The following GPD2 variants were observed in gnomAD, a reference collection of about 807,000 sequenced individuals.
The protein encoded by GPD2 is glycerol-3-phosphate dehydrogenase, mitochondrial.
A neutral mutation model predicts 82.4 loss-of-function variants in GPD2; 54 were observed. That is an observed-to-expected ratio of 0.66 (90% CI 0.53 to 0.82). GPD2 has a LOEUF of 0.82. Ranked by LOEUF, GPD2 falls within the 40% of genes least tolerant of loss-of-function variation. The pLI is 0.00. For synonymous variants in GPD2, 288 were observed against 306.1 expected, an observed-to-expected ratio of 0.94 and a Z score of 0.62; for missense variants, 748 against 896.2, an observed-to-expected ratio of 0.83 and a Z score of 2.11.
intron 6 of GPD2, among the ~76,000 whole-genome samples, chr2:156,533,532 G>GT (rs144291502): frequency 0.031 from 4,718 of 152,168 alleles, 251 homozygotes; most frequent in African/African-American, 0.11. Flanking sequence ...GCTCTAGATA[G>GT]TTTTTTAAAA....
At chr2:156,424,868 T>G in the GPD2 span, among the ~76,000 whole-genome samples, 5 of 152,178 alleles carry the variant, frequency 3.3e-5, no homozygotes, top group Non-Finnish European at 7.3e-5. Context: ...AAATTTTGAT[T>G]ATGAACATCT....
At chr2:156,475,007 A>G (rs764071027) in intron 1 of GPD2, among the ~76,000 whole-genome samples, 30 of 151,882 alleles carry the variant, frequency 2.0e-4, no homozygotes, top group Admixed American at 3.3e-4. Flanking sequence ...ACTTGGTAGT[A>G]TCAGCTACTT....
chr2:156,440,486 ATG>A (rs1682130138), intron 1 of GPD2, among the ~76,000 whole-genome samples: 1 of 152,112 alleles, frequency 6.6e-6, no homozygotes. Context: ...GAATGTGACC[ATG>A]TTTGTTTGTT....
At chr2:156,541,447 TTTCTG>T (rs1310741538) in intron 6 of GPD2, among the ~76,000 whole-genome samples, 1 of 152,200 alleles carries the variant, frequency 6.6e-6, no homozygotes, top group Non-Finnish European at 1.5e-5. Flanking sequence ...TCTCTTTCAA[TTTCTG>T]TTCCCCACAG....
chr2:156,582,755 G>T (rs1452217788), intron 16 of GPD2, 38 bp from the exon 17 acceptor site: 2 of 1,609,024 alleles, frequency 1.2e-6, no homozygotes, highest in Non-Finnish European at 1.7e-6. Context: ...GAGTAAGTTG[G>T]CCTGCGTTCT....
chr2:156,566,068 G>T (rs1246583691), intron 9 of GPD2, among the ~76,000 whole-genome samples: 4 of 152,056 alleles, frequency 2.6e-5, no homozygotes. Flanking sequence ...GGGATTTATG[G>T]ATTTGAACTA....
At chr2:156,527,195 A>G (rs1419887481) in intron 6 of GPD2, among the ~76,000 whole-genome samples, 1 of 152,158 alleles carries the variant, frequency 6.6e-6, no homozygotes, top group Non-Finnish European at 1.5e-5. Flanking sequence ...TAATAAAAAT[A>G]TCTCTTCAAT....
At chr2:156,488,136 A>G (rs1294337916) in intron 2 of GPD2, among the ~76,000 whole-genome samples, 1 of 152,034 alleles carries the variant, frequency 6.6e-6, no homozygotes. Context: ...AACCATTGGC[A>G]ACTCTATCTA....
chr2:156,504,073 C>T (rs1370594566), intron 3 of GPD2, among the ~76,000 whole-genome samples: 2 of 151,738 alleles, frequency 1.3e-5, no homozygotes, highest in African/African-American at 2.4e-5. Flanking sequence ...AACATCATAT[C>T]TCTATTAATC....
At chr2:156,566,236 T>C (rs1242170489) in intron 9 of GPD2, among the ~76,000 whole-genome samples, 2 of 152,134 alleles carry the variant, frequency 1.3e-5, no homozygotes, top group Non-Finnish European at 2.9e-5. Flanking sequence ...ACATAAAATT[T>C]ACCATTTTAA....
intron 6 of GPD2, among the ~76,000 whole-genome samples, chr2:156,520,905 C>T (rs949863445): frequency 6.6e-6 from 1 of 152,098 alleles, no homozygotes; most frequent in African/African-American, 2.4e-5. Flanking sequence ...TATTTTTAAA[C>T]TTTGTAAAAG....
At chr2:156,540,072 T>TTTC (rs1158093232) in intron 6 of GPD2, among the ~76,000 whole-genome samples, 1 of 152,132 alleles carries the variant, frequency 6.6e-6, no homozygotes, top group African/African-American at 2.4e-5. Flanking sequence ...TGATAGGACA[T>TTTC]TGAGCAGCAG....
intron 1 of GPD2, among the ~76,000 whole-genome samples, chr2:156,437,946 A>G (rs1468057683): frequency 6.6e-6 from 1 of 152,202 alleles, no homozygotes; most frequent in Non-Finnish European, 1.5e-5. Flanking sequence ...AAACTATTAT[A>G]ACTCTGAACT....
intron 2 of GPD2, among the ~76,000 whole-genome samples, chr2:156,483,650 G>C (rs1683819158): frequency 2.0e-5 from 3 of 152,140 alleles, no homozygotes; most frequent in Non-Finnish European, 4.4e-5. Flanking sequence ...TTGTTGAAGA[G>C]AAATCAAAAT....
chr2:156,405,572 A>T, the GPD2 span, among the ~76,000 whole-genome samples: 1 of 152,216 alleles, frequency 6.6e-6, no homozygotes, highest in Non-Finnish European at 1.5e-5. Flanking sequence ...AAAACATGAC[A>T]AACACATATG....
chr2:156,579,642 C>T (rs1023196526), intron 15 of GPD2, 48 bp from the exon 16 acceptor site: 7 of 943,738 alleles, frequency 7.4e-6, no homozygotes, highest in East Asian at 2.4e-5. Context: ...AAAGCATATG[C>T]ATAATTTTTA....
intron 2 of GPD2, among the ~76,000 whole-genome samples, chr2:156,485,272 A>T (rs1683897897): frequency 6.6e-6 from 1 of 152,112 alleles, no homozygotes. Context: ...GCCATTTCTG[A>T]TGGTGGAAGA....
chr2:156,576,330 C>T (rs920826451), intron 13 of GPD2, among the ~76,000 whole-genome samples: 11 of 152,028 alleles, frequency 7.2e-5, no homozygotes, highest in Non-Finnish European at 1.3e-4. Context: ...TATGACAAAC[C>T]GGTTGTGGTC....
intron 1 of GPD2, 23 bp from the exon 2 acceptor site, chr2:156,476,075 T>C (rs940492565): frequency 8.0e-7 from 1 of 1,243,784 alleles, no homozygotes; most frequent in East Asian, 2.3e-5. Flanking sequence ...TAACTTCTTT[T>C]TGTTTCTTAT....
Sources: gnomAD v4.1 joint callset for allele counts (sites outside exome capture counted in the v4.1 genomes callset) on GRCh38, gnomAD v4.1.1 for gene constraint, MANE v1.5 for transcripts, NCBI Gene and HGNC (gene_info 2026-07-23, HGNC 2026-07-21) for gene names.